Variants in SLC35F4 observed in about 807,000 individuals in gnomAD.
SLC35F4 encodes the protein chromosome 14 open reading frame 36.
In SLC35F4, 24 loss-of-function variants were observed where a neutral mutation model predicts 44.2. The ratio of observed to expected loss-of-function variants is 0.54; its 90% CI spans 0.39 to 0.76. SLC35F4 has a LOEUF of 0.76. Among genes scored for constraint, SLC35F4 ranks in the 30% least tolerant of loss-of-function variants. The pLI is 0.00. For missense variants in SLC35F4, 562 were observed against 586.1 expected (o/e 0.96, Z 0.42); for synonymous variants, 238 against 223.6 (o/e 1.06, Z -0.57).
intron 1 of SLC35F4, among the ~76,000 whole-genome samples, chr14:57,915,780 C>T (rs1889316606): frequency 6.6e-6 from 1 of 152,184 alleles, no homozygotes; most frequent in Admixed American, 6.5e-5. Flanking sequence ...TTGATCACAA[C>T]CACTTGAGTA....
At chr14:57,833,679 A>G (rs1170038843) in intron 1 of SLC35F4, among the ~76,000 whole-genome samples, 1 of 152,222 alleles carries the variant, frequency 6.6e-6, no homozygotes, top group East Asian at 1.9e-4. Context: ...ATATTTGAAT[A>G]CAGACTCCAG....
At chr14:57,832,046 G>T (rs1393980173) in intron 1 of SLC35F4, among the ~76,000 whole-genome samples, 1 of 152,112 alleles carries the variant, frequency 6.6e-6, no homozygotes, top group Non-Finnish European at 1.5e-5. Flanking sequence ...GCTTTATCAC[G>T]TATTATTTAA....
rs114595098 is a variant in SLC35F4, at chr14:57,702,614, A to G, written c.104-108490T>C. The stretch of plus-strand genomic sequence containing the variant: ...CATAAGGGTGAATATTAACAAAAAC[A>G]GTGAAAAATATGTCAACTCCACCTC... On this transcript the variant is annotated intron_variant, in intron 1 of 7. Coordinates refer to ENST00000556826, the MANE Select transcript of SLC35F4 (RefSeq NM_001306087.2). 4.2e-3 allele frequency among the ~76,000 whole-genome samples: 640 copies of G among 152,320 alleles called. 3 individuals are homozygous for G. The highest frequency in any genetic ancestry group is 0.015 in the African/African-American group (617 of 41,584).
chr14:57,953,181 T>TTATG (rs377080589), intron 1 of SLC35F4, among the ~76,000 whole-genome samples: 19,355 of 152,118 alleles, frequency 0.13, 1,614 homozygotes, highest in East Asian at 0.25. Flanking sequence ...TCCAGACAAC[T>TTATG]AAGCTTCATA....
At chr14:57,643,917 T>C (rs1253937079) in intron 1 of SLC35F4, among the ~76,000 whole-genome samples, 1 of 152,160 alleles carries the variant, frequency 6.6e-6, no homozygotes, top group Non-Finnish European at 1.5e-5. Flanking sequence ...GGTTTCCAGC[T>C]TCATCCATGT....
intron 1 of SLC35F4, among the ~76,000 whole-genome samples, chr14:57,638,973 TCTC>T (rs1274949409): frequency 6.6e-6 from 1 of 152,012 alleles, no homozygotes. Flanking sequence ...AAGTCAAACA[TCTC>T]CTGGACTTTT....
chr14:57,751,541 A>G (rs17093637), intron 1 of SLC35F4, among the ~76,000 whole-genome samples: 28,008 of 152,240 alleles, frequency 0.18, 2,889 homozygotes, highest in South Asian at 0.27. Context: ...TATCTCAGAA[A>G]AGGCAACAAC....
intron 1 of SLC35F4, among the ~76,000 whole-genome samples, chr14:57,752,448 G>C (rs1056649861): frequency 2.0e-5 from 3 of 151,624 alleles, no homozygotes; most frequent in Admixed American, 6.6e-5. Flanking sequence ...AAAGCCCTGA[G>C]GTTTTTTTTT....
chr14:57,877,616 A>T (rs1225081708), intron 1 of SLC35F4, among the ~76,000 whole-genome samples: 4 of 150,080 alleles, frequency 2.7e-5, no homozygotes, highest in Admixed American at 2.7e-4. Flanking sequence ...CATTCCCACC[A>T]GTAGTATATA....
At chr14:57,952,576 T>C (rs1890160724) in intron 1 of SLC35F4, among the ~76,000 whole-genome samples, 1 of 151,332 alleles carries the variant, frequency 6.6e-6, no homozygotes, top group South Asian at 2.1e-4. Flanking sequence ...GAATAACCAG[T>C]TTAAAGAAGA....
At chr14:57,675,807 A>G (rs907208195) in intron 1 of SLC35F4, among the ~76,000 whole-genome samples, 3 of 152,040 alleles carry the variant, frequency 2.0e-5, no homozygotes, top group Non-Finnish European at 4.4e-5. Context: ...TTTATGTCAT[A>G]TGTCACATTT....
rs1158375281 is a variant in SLC35F4 at position 57,564,074 on chromosome 14, T to C, written c.*61A>G. ...TACTGTCGTTTGAGTGTACAGGTAG[T>C]GAGAAAATTTTGTTATATTCACAGA... On this transcript the variant is annotated 3_prime_UTR_variant, in exon 8 of 8. Transcript: ENST00000556826. 3.2e-6 allele frequency: 5 copies of C among 1,586,662 alleles called. No individual in the cohort carries two copies. Among genetic ancestry groups the C allele is most frequent in the Non-Finnish European group, 4.3e-6 (5 of 1,162,930 alleles).
chr14:57,949,471 T>A (rs1168740150), intron 1 of SLC35F4, among the ~76,000 whole-genome samples: 1 of 152,142 alleles, frequency 6.6e-6, no homozygotes, highest in Admixed American at 6.5e-5. Flanking sequence ...GTTGGTGAAT[T>A]TTTATCCATT....
chr14:57,793,238 T>A (rs1466402823), intron 1 of SLC35F4, among the ~76,000 whole-genome samples: 1 of 152,114 alleles, frequency 6.6e-6, no homozygotes, highest in Non-Finnish European at 1.5e-5. Context: ...TGCTCATTTT[T>A]TAAAAACTTT....
intron 1 of SLC35F4, among the ~76,000 whole-genome samples, chr14:57,884,238 T>C (rs890553524): frequency 1.1e-4 from 17 of 152,194 alleles, no homozygotes; most frequent in African/African-American, 4.1e-4. Context: ...CCGAAGGTGA[T>C]TGGAGCATCT....
intron 1 of SLC35F4, among the ~76,000 whole-genome samples, chr14:57,858,515 C>T (rs1887350653): frequency 6.6e-6 from 1 of 151,772 alleles, no homozygotes; most frequent in Non-Finnish European, 1.5e-5. Context: ...GAACATCACA[C>T]ACCAGGGCCT....
chr14:57,776,315 T>C (rs151049368), intron 1 of SLC35F4, among the ~76,000 whole-genome samples: 55 of 152,188 alleles, frequency 3.6e-4, no homozygotes, highest in South Asian at 8.3e-4. Context: ...CAAAATACTT[T>C]ACAAGAAGAT....
intron 1 of SLC35F4, among the ~76,000 whole-genome samples, chr14:57,612,170 G>C (rs747162060): frequency 6.6e-6 from 1 of 152,122 alleles, no homozygotes. Flanking sequence ...AAGATCACTT[G>C]AGCCCAGAAG....
At chr14:57,836,743 A>ACCT (rs1203595851) in intron 1 of SLC35F4, among the ~76,000 whole-genome samples, 3 of 152,120 alleles carry the variant, frequency 2.0e-5, no homozygotes, top group Admixed American at 6.6e-5. Context: ...CACCACCGCT[A>ACCT]CCTCCACCTC....
Sources: allele counts gnomAD v4.1 joint callset (sites outside exome capture counted in the v4.1 genomes callset), GRCh38; gene constraint gnomAD v4.1.1; transcripts MANE v1.5; gene names NCBI Gene and HGNC (gene_info 2026-07-23, HGNC 2026-07-21).